CRCP: variants seen among roughly 807,000 people sequenced by gnomAD.
CRCP encodes the protein CGRP receptor component, also known as DNA-directed RNA polymerase III subunit RPC9.
A neutral mutation model predicts 18.5 loss-of-function variants in CRCP; 18 were observed. That is an observed-to-expected ratio of 0.97 (90% CI 0.67 to 1.44). CRCP has a LOEUF of 1.44. CRCP is among the 40% of genes most tolerant of loss of function. The pLI is 0.00. For synonymous variants in CRCP, 53 were observed against 62.9 expected, an observed-to-expected ratio of 0.84 and a Z score of 0.75; for missense variants, 130 against 176.4, an observed-to-expected ratio of 0.74 and a Z score of 1.49.
chr7:66,150,213 C>T (rs915810797), intron 5 of CRCP, among the ~76,000 whole-genome samples: 1 of 151,636 alleles, frequency 6.6e-6, no homozygotes, highest in Non-Finnish European at 1.5e-5. Flanking sequence ...GTCAGGAGTT[C>T]GAGACCAGAC....
intron 5 of CRCP, among the ~76,000 whole-genome samples, chr7:66,147,341 GAAAA>G (rs11316310): frequency 7.2e-6 from 1 of 139,808 alleles, no homozygotes. Context: ...TCCATCTTGG[GAAAA>G]AAAAAAAAAA....
intron 5 of CRCP, chr7:66,150,705 G>C (rs1262883530): frequency 3.3e-5 from 5 of 152,046 alleles, no homozygotes; most frequent in East Asian, 3.9e-4. Flanking sequence ...ACTTCAGTCT[G>C]CCAGGATTTC....
chr7:66,135,053 C>T (rs1787930698), intron 4 of CRCP, among the ~76,000 whole-genome samples: 1 of 152,120 alleles, frequency 6.6e-6, no homozygotes, highest in Admixed American at 6.5e-5. Context: ...GTGAACAGGG[C>T]CAACCATTTC....
intron 1 of CRCP, among the ~76,000 whole-genome samples, chr7:66,126,864 G>A (rs766928842): frequency 1.4e-5 from 2 of 143,966 alleles, no homozygotes; most frequent in Non-Finnish European, 1.6e-5. Context: ...TATAGTTGCC[G>A]TTTCATAGAT....
rs1174635001 is a variant in CRCP, at chr7:66,152,083, C to T, written c.298-125C>T. ...CCGTCTGTAAGATGGAGAGGACTCA[C>T]GAGGACCCAGGCTGTGAGGTCTGTG... On this transcript the variant is annotated intron_variant, in intron 5 of 5. Coordinates refer to ENST00000395326, the MANE Select transcript of CRCP (RefSeq NM_014478.5). 20 of 1,031,896 alleles carry T rather than the reference C, an allele frequency of 1.9e-5. No homozygotes were observed. The Admixed American group carries it at 3.5e-4, about 18-fold the overall frequency. The allele number at this position is 1,031,896 out of a possible 1,614,324, so 63.9% of individuals were successfully genotyped here. A position where few individuals can be genotyped will look rare whatever the true frequency, so the allele number is the denominator to read the frequency against.
chr7:66,131,051 T>C (rs1001199047), intron 3 of CRCP, among the ~76,000 whole-genome samples: 1 of 152,224 alleles, frequency 6.6e-6, no homozygotes, highest in African/African-American at 2.4e-5. Flanking sequence ...CTTCGCTCAC[T>C]GCAAGCTCCA....
At chr7:66,126,883 T>A (rs924570886) in intron 1 of CRCP, among the ~76,000 whole-genome samples, 1 of 130,534 alleles carries the variant, frequency 7.7e-6, no homozygotes, top group Non-Finnish European at 1.8e-5. Context: ...ATAGGAAATG[T>A]AAGCATAATG....
chr7:66,138,429 C>T (rs1198179130), intron 4 of CRCP, among the ~76,000 whole-genome samples: 1 of 151,876 alleles, frequency 6.6e-6, no homozygotes, highest in Admixed American at 6.6e-5. Flanking sequence ...CACTCTAACC[C>T]TAATGTGTCA....
chr7:66,118,333 A>G (rs1198756142), intron 1 of CRCP, among the ~76,000 whole-genome samples: 1 of 152,186 alleles, frequency 6.6e-6, no homozygotes, highest in Non-Finnish European at 1.5e-5. Flanking sequence ...CAGTAAGTCT[A>G]ACTAACATAA....
At chr7:66,120,900 AG>A (rs1787418334) in intron 1 of CRCP, among the ~76,000 whole-genome samples, 1 of 152,060 alleles carries the variant, frequency 6.6e-6, no homozygotes, top group Non-Finnish European at 1.5e-5. Flanking sequence ...AGTGAATACC[AG>A]GGGATGCCTG....
At chr7:66,123,334 G>A (rs1460758277) in intron 1 of CRCP, among the ~76,000 whole-genome samples, 1 of 152,174 alleles carries the variant, frequency 6.6e-6, no homozygotes, top group African/African-American at 2.4e-5. Flanking sequence ...CTGATTGCAT[G>A]TGAATATATT....
At chr7:66,143,736 G>T (rs971082907) in intron 4 of CRCP, among the ~76,000 whole-genome samples, 1 of 152,156 alleles carries the variant, frequency 6.6e-6, no homozygotes, top group Non-Finnish European at 1.5e-5. Flanking sequence ...AAGAACAGGA[G>T]CTTCTCTGCC....
chr7:66,135,507 T>A (rs1787945487), intron 4 of CRCP, among the ~76,000 whole-genome samples: 1 of 152,252 alleles, frequency 6.6e-6, no homozygotes, highest in Admixed American at 6.5e-5. Context: ...TTCCTTCTTT[T>A]TTTATTTATT....
intron 1 of CRCP, 109 bp from the exon 2 acceptor site, chr7:66,127,595 T>C: frequency 7.8e-7 from 1 of 1,285,466 alleles, no homozygotes; most frequent in East Asian, 2.3e-5. Flanking sequence ...TTGTAGTCCC[T>C]AAATTCAAAA....
chr7:66,126,654 G>A, intron 1 of CRCP: 1 of 430,014 alleles, frequency 2.3e-6, no homozygotes, highest in Non-Finnish European at 4.7e-6. Flanking sequence ...GTTAATACAA[G>A]TACCAAGAAC....
intron 4 of CRCP, among the ~76,000 whole-genome samples, chr7:66,142,460 A>G (rs1333660193): frequency 6.6e-6 from 1 of 152,150 alleles, no homozygotes; most frequent in Non-Finnish European, 1.5e-5. Context: ...TGCACAGGCC[A>G]CCAATGACCT....
chr7:66,141,610 T>C (rs1025879246), intron 4 of CRCP, among the ~76,000 whole-genome samples: 1 of 151,968 alleles, frequency 6.6e-6, no homozygotes, highest in Non-Finnish European at 1.5e-5. Flanking sequence ...CAGGAAAGAA[T>C]TGAAAGAGAA....
At chr7:66,144,878 G>A (rs1477822310) in intron 4 of CRCP, among the ~76,000 whole-genome samples, 5 of 152,122 alleles carry the variant, frequency 3.3e-5, no homozygotes, top group Admixed American at 6.6e-5. Context: ...GGCCGGGCAC[G>A]GTGGCTCACG....
chr7:66,120,132 C>T (rs910051345), intron 1 of CRCP, among the ~76,000 whole-genome samples: 6 of 151,188 alleles, frequency 4.0e-5, no homozygotes, highest in Non-Finnish European at 8.8e-5. Flanking sequence ...TGCAGTGAGC[C>T]AAGATCGCAC....
Sources: allele counts gnomAD v4.1 joint callset (sites outside exome capture counted in the v4.1 genomes callset), GRCh38; gene constraint gnomAD v4.1.1; transcripts MANE v1.5; gene names NCBI Gene and HGNC (gene_info 2026-07-23, HGNC 2026-07-21).